The following INPP4B variants were observed in gnomAD, a reference collection of about 807,000 sequenced individuals.
The protein encoded by INPP4B is inositol polyphosphate-4-phosphatase type II B.
INPP4B carries 55 observed loss-of-function variants against 122.5 expected under a neutral mutation model. The observed-to-expected ratio is 0.45, with a 90% confidence interval of 0.36 to 0.56. The LOEUF (loss-of-function observed/expected upper bound fraction) is 0.56. Among genes scored for constraint, INPP4B ranks in the 20% least tolerant of loss-of-function variants. The pLI is 0.00. For synonymous variants in INPP4B, 403 were observed against 388.7 expected (o/e 1.04, Z -0.43); for missense variants, 1,000 against 1,097.7 (o/e 0.91, Z 1.26).
At chr4:142,441,999 C>G (rs1460053260) in intron 3 of INPP4B, among the ~76,000 whole-genome samples, 4 of 151,842 alleles carry the variant, frequency 2.6e-5, no homozygotes, top group African/African-American at 7.3e-5. Flanking sequence ...GATGCATGAT[C>G]TGAAATTGAT....
At chr4:142,522,928 T>C (rs1370686093) in intron 2 of INPP4B, among the ~76,000 whole-genome samples, 2 of 152,170 alleles carry the variant, frequency 1.3e-5, no homozygotes, top group African/African-American at 4.8e-5. Context: ...AATAGTGGTA[T>C]TGAAATCATG....
At chr4:142,337,092 CCTTT>C (rs1309525210) in intron 7 of INPP4B, among the ~76,000 whole-genome samples, 15 of 152,046 alleles carry the variant, frequency 9.9e-5, no homozygotes, top group Middle Eastern at 3.4e-3. Context: ...TATTCCTTTG[CCTTT>C]CTTTGTTAAC....
At chr4:142,484,728 C>A (rs1373884290) in intron 2 of INPP4B, among the ~76,000 whole-genome samples, 1 of 151,864 alleles carries the variant, frequency 6.6e-6, no homozygotes, top group African/African-American at 2.4e-5. Flanking sequence ...GCCTAGTATC[C>A]ATTAGTTATT....
chr4:142,350,247 G>C (rs1469136596), intron 7 of INPP4B, among the ~76,000 whole-genome samples: 1 of 151,830 alleles, frequency 6.6e-6, no homozygotes, highest in African/African-American at 2.4e-5. Flanking sequence ...TGCTTTATTT[G>C]AGCAAAAAAA....
chr4:142,469,873 AC>A (rs1389040681), intron 2 of INPP4B, among the ~76,000 whole-genome samples: 2 of 152,158 alleles, frequency 1.3e-5, no homozygotes, highest in Non-Finnish European at 2.9e-5. Flanking sequence ...GCGAACCTAA[AC>A]CCAATGTATA....
chr4:142,759,567 T>C (rs974093700), intron 1 of INPP4B, among the ~76,000 whole-genome samples: 1 of 152,120 alleles, frequency 6.6e-6, no homozygotes, highest in African/African-American at 2.4e-5. Context: ...ATGAATTACA[T>C]GTGTGTGTAT....
chr4:142,521,229 C>T (rs1455799359), intron 2 of INPP4B, among the ~76,000 whole-genome samples: 8 of 151,702 alleles, frequency 5.3e-5, no homozygotes, highest in South Asian at 2.1e-4. Context: ...CCCAAAATAT[C>T]CATGAGTTGT....
At chr4:142,072,436 C>G (rs1164885425) in intron 25 of INPP4B, among the ~76,000 whole-genome samples, 1 of 151,272 alleles carries the variant, frequency 6.6e-6, no homozygotes, top group Non-Finnish European at 1.5e-5. Context: ...ATGTAACTAA[C>G]CTGCACATTG....
At chr4:142,732,669 T>G (rs1899564) in intron 1 of INPP4B, among the ~76,000 whole-genome samples, 4,060 of 152,068 alleles carry the variant, frequency 0.027, 58 homozygotes, top group South Asian at 0.05. Flanking sequence ...AAAATAGTAT[T>G]TAAAGGAAAT....
intron 25 of INPP4B, among the ~76,000 whole-genome samples, chr4:142,076,916 A>G (rs1485056594): frequency 6.6e-6 from 1 of 152,076 alleles, no homozygotes; most frequent in Non-Finnish European, 1.5e-5. Flanking sequence ...ACTAAAGACA[A>G]AAGGAAGAAA....
At chr4:142,475,422 A>G (rs1192872108) in intron 2 of INPP4B, among the ~76,000 whole-genome samples, 1 of 152,182 alleles carries the variant, frequency 6.6e-6, no homozygotes, top group Admixed American at 6.5e-5. Flanking sequence ...CTGGCAACTC[A>G]AAAAGGCAGA....
At chr4:142,381,467 G>T (rs1794051944) in intron 7 of INPP4B, among the ~76,000 whole-genome samples, 1 of 151,958 alleles carries the variant, frequency 6.6e-6, no homozygotes, top group Non-Finnish European at 1.5e-5. Flanking sequence ...ATATTATAGA[G>T]ATTAACCCAC....
chr4:142,720,305 T>C (rs796323577), intron 2 of INPP4B, among the ~76,000 whole-genome samples: 5 of 152,326 alleles, frequency 3.3e-5, no homozygotes, highest in African/African-American at 1.2e-4. Flanking sequence ...TTTTTTATTG[T>C]TAGCAAATTA....
intron 1 of INPP4B, among the ~76,000 whole-genome samples, chr4:142,825,471 G>GTATCATA (rs1781344531): frequency 6.6e-6 from 1 of 151,592 alleles, no homozygotes; most frequent in African/African-American, 2.4e-5. Context: ...ATATATATAT[G>GTATCATA]TATCATATCA....
intron 2 of INPP4B, among the ~76,000 whole-genome samples, chr4:142,511,307 T>TA (rs1448777073): frequency 7.3e-5 from 11 of 151,616 alleles, no homozygotes; most frequent in Admixed American, 2.6e-4. Flanking sequence ...TAAGAAGAAC[T>TA]AAAAAAAAAT....
rs190261992 is a variant in INPP4B, at chr4:142,451,594, C to T, written c.-127+11069G>A. On this transcript the variant is annotated intron_variant, in intron 3 of 25. Coordinates refer to ENST00000262992, the MANE Select transcript of INPP4B (RefSeq NM_001101669.3). ...ATTGGATACATCCAGTTCTCCAGAT[C>T]CAGCATTCTGGTTACTTAACAAAGA... 9.9e-4 allele frequency among the ~76,000 whole-genome samples: 151 copies of T among 152,170 alleles called. 5 individuals carry two copies. Among genetic ancestry groups the T allele is most frequent in the Non-Finnish European group, 7.5e-4 (51 of 67,958 alleles).
intron 1 of INPP4B, among the ~76,000 whole-genome samples, chr4:142,727,091 TTTTG>T (rs1364273142): frequency 2.0e-5 from 3 of 152,162 alleles, no homozygotes; most frequent in African/African-American, 4.8e-5. Context: ...ACATTACCTA[TTTTG>T]TTTATTTATT....
intron 3 of INPP4B, among the ~76,000 whole-genome samples, chr4:142,457,554 A>T (rs1290745722): frequency 6.6e-6 from 1 of 152,210 alleles, no homozygotes; most frequent in Non-Finnish European, 1.5e-5. Context: ...TTGTGTCATT[A>T]GTCATTAAGA....
At chr4:142,523,191 G>T (rs368236723) in intron 2 of INPP4B, among the ~76,000 whole-genome samples, 1 of 152,034 alleles carries the variant, frequency 6.6e-6, no homozygotes, top group Non-Finnish European at 1.5e-5. Flanking sequence ...TATTACAAAC[G>T]CAAATACAAA....
Sources: gnomAD v4.1 joint callset for allele counts (sites outside exome capture counted in the v4.1 genomes callset) on GRCh38, gnomAD v4.1.1 for gene constraint, MANE v1.5 for transcripts, NCBI Gene and HGNC (gene_info 2026-07-23, HGNC 2026-07-21) for gene names.